Variants in HES6 observed in about 807,000 individuals in gnomAD.
HES6 encodes transcription cofactor HES-6.
Under a neutral mutation model 16.4 loss-of-function variants are expected in HES6, and 24 were observed. The ratio of observed to expected loss-of-function variants is 1.46; its 90% confidence interval spans 1.06 to 2.06. HES6 has a LOEUF of 2.06. Among genes scored for constraint, HES6 ranks in the 30% most tolerant of loss-of-function variants. The probability of loss-of-function intolerance (pLI) is 0.00; values close to 1 mark genes in which losing one functional copy is unlikely to be tolerated. For missense variants in HES6, 355 were observed against 317.6 expected, an observed-to-expected ratio of 1.12 and a Z score of -0.90; for synonymous variants, 159 against 144.3, an observed-to-expected ratio of 1.10 and a Z score of -0.73.
Position 238,239,715 on chromosome 2 carries a change from G to T in HES6, c.114C>A (p.Arg38=). The T allele has an allele frequency of 7.5e-7, 1 of 1,338,158 alleles. No homozygotes were observed. The highest frequency in any genetic ancestry group is 1.5e-5 in the African/African-American group (1 of 66,092). 82.9% of individuals were successfully genotyped at this position (1,338,158 alleles called of 1,614,324 possible). Residue 38 remains arginine, a synonymous_variant, in exon 2 of 4, where the codon CGC becomes CGA. Transcript: ENST00000272937. The stretch of plus-strand genomic sequence containing the variant: ...CCTGCAGGCTCTCGTTGATCCGCGC[G>T]CGCCGCTTCTTCTCCACCAGGGGCT... ...ARKPLVEKKR[R]ARINESLQEL...
At position 238,239,664 on chromosome 2, in the gene HES6, G is replaced by C; in HGVS notation, c.165C>G (p.Ala55=). The change falls in exon 2 of 4, where the codon GCC becomes GCG. Residue 55 remains alanine, a synonymous_variant. Coordinates refer to ENST00000272937, the MANE Select transcript of HES6 (RefSeq NM_018645.6). ...LQELRLLLAG[A]EVQAKLENAE... Reference sequence around the variant, plus strand: ...GGCGCCTGCCCGGCCGCCGCACCTCGGCGCCCGCCAGCAGCAGCCGCAGCT... The same window carrying C: ...GGCGCCTGCCCGGCCGCCGCACCTCCGCGCCCGCCAGCAGCAGCCGCAGCT... The C allele has an allele frequency of 2.9e-6, 3 of 1,050,748 alleles. 1 individual carries two copies. In the South Asian group the frequency reaches 1.2e-4, roughly 41 times the overall value. The allele number at this position is 1,050,748 out of a possible 1,614,324, so 65.1% of individuals were successfully genotyped here.
Position 238,238,980 on chromosome 2 carries a change from G to C in HES6, c.522C>G (p.Pro174=). The C allele has an allele frequency of 6.2e-7, 1 of 1,605,220 alleles. No homozygotes were observed. ...AGCACAGGTCGTCCCCAGGACCCGG[G>C]GGGCTGGGTATTGGGGATCCCGGAG... ...GGAPGSPIPS[P]PGPGDDLCSD... is the part of the protein sequence containing the mutation. Residue 174 remains proline (P), a synonymous_variant, in exon 4 of 4, where the codon CCC becomes CCG. Coordinates refer to ENST00000272937, the MANE Select transcript of HES6 (RefSeq NM_018645.6).
chr2:238,239,753 G>A lies in HES6; in HGVS notation c.82-6C>T, dbSNP rs1168444167. The A allele has an allele frequency of 7.2e-7, 1 of 1,394,952 alleles. No individual in the cohort carries two copies. Among genetic ancestry groups the A allele is most frequent in the South Asian group, 1.6e-5 (1 of 63,910 alleles). 86.4% of individuals were successfully genotyped at this position (1,394,952 alleles called of 1,614,324 possible). A position where few individuals can be genotyped will look rare whatever the true frequency, so the allele number is the denominator to read the frequency against. On this transcript the variant is annotated splice_region_variant and splice_polypyrimidine_tract_variant and intron_variant, in intron 1 of 3. Coordinates refer to ENST00000272937, the MANE Select transcript of HES6 (RefSeq NM_018645.6). The stretch of plus-strand genomic sequence containing the variant: ...TCCACCAGGGGCTTCCGGGCCTGCG[G>A]GGAGCGGGGCACTGAATCCCAGCCC...
At chr2:238,239,355 G>A in intron 3 of HES6, 104 bp from the exon 4 acceptor site, 1 of 1,350,014 alleles carries the variant, frequency 7.4e-7, no homozygotes, top group Non-Finnish European at 9.7e-7. Flanking sequence ...CCCAGGAGAC[G>A]CGGGGGCGCA....
Position 238,239,993 on chromosome 2 carries a change from C to G in HES6, c.-88G>C, listed in dbSNP as rs1319745258. 1.2e-6 allele frequency: 1 copy of G among 820,984 alleles called. No individual in the cohort carries two copies. The highest frequency in any genetic ancestry group is 4.9e-5 in the Admixed American group (1 of 20,566). The allele number at this position is 820,984 out of a possible 1,614,324, so 50.9% of individuals were successfully genotyped here. A position where few individuals can be genotyped will look rare whatever the true frequency, so the allele number is the denominator to read the frequency against. ...GGAGTGCCGGCGCCCTCCGCTGCCCCGCGGCCGCCCAGCAGCAGCCCAGCC... is the reference window on the plus strand; with the variant it reads ...GGAGTGCCGGCGCCCTCCGCTGCCCGGCGGCCGCCCAGCAGCAGCCCAGCC... On this transcript the variant is annotated 5_prime_UTR_variant, in exon 1 of 4. Transcript: ENST00000272937.
chr2:238,238,702 C>T lies in HES6; in HGVS notation c.*125G>A, dbSNP rs184520701. 1.0e-6 allele frequency: 1 copy of T among 959,954 alleles called. No individual in the cohort carries two copies. The highest frequency in any genetic ancestry group is 1.7e-5 in the African/African-American group (1 of 59,942). 59.5% of individuals were successfully genotyped at this position (959,954 alleles called of 1,614,324 possible). A position where few individuals can be genotyped will look rare whatever the true frequency, so the allele number is the denominator to read the frequency against. On this transcript the variant is annotated 3_prime_UTR_variant, in exon 4 of 4. Transcript: ENST00000272937. ...AGGGGCTGCCCTGCAAGCCATCCAT[C>T]AGAGGAGGGAGGGAAGACCTGGGAG...
Position 238,238,667 on chromosome 2 carries a change from G to A in HES6, c.*160C>T. ...AGAAACGGGGCTGGGGCCTGACTGGGCTGGTTACCAGGGGCTGCCCTGCAA... is the reference window on the plus strand; with the variant it reads ...AGAAACGGGGCTGGGGCCTGACTGGACTGGTTACCAGGGGCTGCCCTGCAA... On this transcript the variant is annotated 3_prime_UTR_variant, in exon 4 of 4. Coordinates refer to ENST00000272937, the MANE Select transcript of HES6 (RefSeq NM_018645.6). The A allele has an allele frequency of 1.4e-6, 1 of 708,704 alleles. No homozygotes were observed. The highest frequency in any genetic ancestry group is 2.8e-5 in the East Asian group (1 of 36,152). 43.9% of individuals were successfully genotyped at this position (708,704 alleles called of 1,614,324 possible). A position where few individuals can be genotyped will look rare whatever the true frequency, so the allele number is the denominator to read the frequency against.
In HES6 at chr2:238,240,007, A is replaced by G; in HGVS notation, c.-102T>C. 1.5e-6 allele frequency: 1 copy of G among 650,674 alleles called. No homozygotes were observed. The highest frequency in any genetic ancestry group is 2.1e-6 in the Non-Finnish European group (1 of 483,488). 40.3% of individuals were successfully genotyped at this position (650,674 alleles called of 1,614,324 possible). On this transcript the variant is annotated 5_prime_UTR_variant, in exon 1 of 4. Coordinates refer to ENST00000272937, the MANE Select transcript of HES6 (RefSeq NM_018645.6). ...CTCCGCTGCCCCGCGGCCGCCCAGC[A>G]GCAGCCCAGCCGTCCGCGCTCCTCG...
At position 238,239,974 on chromosome 2, in the gene HES6, C is replaced by G. The variant is rs1695274798; in HGVS notation, c.-69G>C. 2 of 1,002,848 alleles carry G rather than the reference C, an allele frequency of 2.0e-6. No homozygotes were observed. The highest frequency in any genetic ancestry group is 8.1e-5 in the East Asian group (2 of 24,542). The allele number at this position is 1,002,848 out of a possible 1,614,324, so 62.1% of individuals were successfully genotyped here. A position where few individuals can be genotyped will look rare whatever the true frequency, so the allele number is the denominator to read the frequency against. ...ACGGGGAGCGGCGGGGACCGGAGTG[C>G]CGGCGCCCTCCGCTGCCCCGCGGCC... is the stretch of plus-strand genomic sequence containing the variant. On this transcript the variant is annotated 5_prime_UTR_variant, in exon 1 of 4. Coordinates refer to ENST00000272937, the MANE Select transcript of HES6 (RefSeq NM_018645.6).
intron 3 of HES6, 50 bp from the exon 4 acceptor site, chr2:238,239,301 C>CT (rs1695244921): frequency 1.9e-6 from 3 of 1,562,036 alleles, no homozygotes; most frequent in African/African-American, 2.7e-5. Context: ...CGGTGAGCGG[C>CT]GACTGCGTGG....
intron 2 of HES6, 43 bp from the exon 3 acceptor site, chr2:238,239,611 G>GGGGGCCCCCCC: frequency 4.4e-6 from 5 of 1,135,672 alleles, no homozygotes; most frequent in Non-Finnish European, 5.4e-6. Flanking sequence ...CGCGCTCCCG[G>GGGGGCCCCCCC]ACCCGCCCGC....
In HES6 at chr2:238,239,129, G is replaced by A. The variant is rs1269296153; in HGVS notation, c.373C>T (p.Leu125Phe). ...QAIDATVAAELLNHLLESMPL... is the reference protein window; with the variant it reads ...QAIDATVAAEFLNHLLESMPL... ...ATGGACTCGAGCAGATGGTTCAGGAGCTCGGCAGCGACGGTAGCGTCGATG... is the reference window on the plus strand; with the variant it reads ...ATGGACTCGAGCAGATGGTTCAGGAACTCGGCAGCGACGGTAGCGTCGATG... Residue 125 changes from leucine (L) to phenylalanine (F), a missense_variant, in exon 4 of 4, where the codon CTC becomes TTC. Physicochemically the swap from Leu to Phe is conservative, Grantham distance 22 (BLOSUM62 0). Transcript: ENST00000272937. 1 of 1,612,528 alleles carries A rather than the reference G, an allele frequency of 6.2e-7. No individual in the cohort carries two copies. Among genetic ancestry groups the A allele is most frequent in the Non-Finnish European group, 8.5e-7 (1 of 1,179,928 alleles).
Position 238,238,671 on chromosome 2 carries a change from GT to G in HES6, c.*155del, listed in dbSNP as rs1161865372. 1.8e-5 allele frequency: 13 copies of G among 742,156 alleles called. 1 individual carries two copies. In the Admixed American group the frequency reaches 3.8e-4, roughly 22 times the overall value. The allele number at this position is 742,156 out of a possible 1,614,324, so 46.0% of individuals were successfully genotyped here. ...ACGGGGCTGGGGCCTGACTGGGCTG[GT>G]TACCAGGGGCTGCCCTGCAAGCCAT... On this transcript the variant is annotated 3_prime_UTR_variant, in exon 4 of 4. Coordinates refer to ENST00000272937, the MANE Select transcript of HES6 (RefSeq NM_018645.6).
rs1025922082 is a variant in HES6, at chr2:238,239,695, A to C, written c.134T>G (p.Leu45Arg). The C allele has an allele frequency of 8.0e-7, 1 of 1,247,382 alleles. No individual in the cohort carries two copies. The highest frequency in any genetic ancestry group is 1.0e-6 in the Non-Finnish European group (1 of 986,368). The allele number at this position is 1,247,382 out of a possible 1,614,324, so 77.3% of individuals were successfully genotyped here. A position where few individuals can be genotyped will look rare whatever the true frequency, so the allele number is the denominator to read the frequency against. Residue 45 changes from leucine to arginine, a missense_variant, in exon 2 of 4, where the codon CTG becomes CGG. Physicochemically the swap from Leu to Arg is moderately radical, Grantham distance 102 (BLOSUM62 -2). Coordinates refer to ENST00000272937, the MANE Select transcript of HES6 (RefSeq NM_018645.6). ...KKRRARINES[L>R]QELRLLLAGA... ...CGCCAGCAGCAGCCGCAGCTCCTGC[A>C]GGCTCTCGTTGATCCGCGCGCGCCG...
chr2:238,239,797 C>G (rs1163757480), intron 1 of HES6, 28 bp downstream of exon 1: 13 of 1,403,246 alleles, frequency 9.3e-6, no homozygotes, highest in Non-Finnish European at 1.2e-5. Context: ...CTCCCGCCCG[C>G]TTGCTCGCCC....
Position 238,238,742 on chromosome 2 carries a change from A to G in HES6, c.*85T>C, listed in dbSNP as rs969999765. The stretch of plus-strand genomic sequence containing the variant: ...AGACCTGGGAGACTTCCAGGGCCCT[A>G]CCCCACCACATCTGAACCCCTGGGA... On this transcript the variant is annotated 3_prime_UTR_variant, in exon 4 of 4. Transcript: ENST00000272937. The G allele has an allele frequency of 1.5e-6, 2 of 1,344,884 alleles. No individual in the cohort carries two copies. The highest frequency in any genetic ancestry group is 1.5e-5 in the African/African-American group (1 of 68,066). 83.3% of individuals were successfully genotyped at this position (1,344,884 alleles called of 1,614,324 possible).
chr2:238,239,611 G>GGGGGGGGCCCCCC, intron 2 of HES6, 43 bp from the exon 3 acceptor site: 8 of 1,135,610 alleles, frequency 7.0e-6, no homozygotes, highest in Non-Finnish European at 7.6e-6. Context: ...CGCGCTCCCG[G>GGGGGGGGCCCCCC]ACCCGCCCGC....
intron 3 of HES6, 28 bp from the exon 4 acceptor site, chr2:238,239,279 C>T (rs1206437077): frequency 1.3e-6 from 2 of 1,587,832 alleles, no homozygotes; most frequent in Admixed American, 3.4e-5. Context: ...AGGGAGAGAG[C>T]CGCGTCCCGC....
rs774048209 is a variant in HES6, at chr2:238,238,795, G to GC, written c.*31dup. ...AGGGAGGAGATCCAGGGAGGGCCGG[G>GC]CCCACCCCCGCAGGACTCTGGCTGG... On this transcript the variant is annotated 3_prime_UTR_variant, in exon 4 of 4. Coordinates refer to ENST00000272937, the MANE Select transcript of HES6 (RefSeq NM_018645.6). 8 of 1,534,620 alleles carry GC rather than the reference G, an allele frequency of 5.2e-6. No individual in the cohort carries two copies. The highest frequency in any genetic ancestry group is 1.7e-6 in the Non-Finnish European group (2 of 1,145,724).
Sources: allele counts gnomAD v4.1 joint callset, GRCh38; gene constraint gnomAD v4.1.1; transcripts MANE v1.5; gene names NCBI Gene and HGNC (gene_info 2026-07-23, HGNC 2026-07-21).